The following STT3B variants were observed in gnomAD, a reference collection of about 807,000 sequenced individuals.
The protein encoded by STT3B is STT3 oligosaccharyltransferase complex catalytic subunit B, also known as dolichyl-diphosphooligosaccharide--protein glycosyltransferase subunit STT3B.
Under a neutral mutation model 96.8 loss-of-function variants are expected in STT3B, and 29 were observed. The observed-to-expected ratio is 0.30, with a 90% confidence interval of 0.22 to 0.41. STT3B has a LOEUF of 0.41. STT3B is among the 10% of genes least tolerant of loss of function. The probability of loss-of-function intolerance (pLI) is 1.00; values close to 1 mark genes in which losing one functional copy is unlikely to be tolerated. For synonymous variants in STT3B, 367 were observed against 360.0 expected, an observed-to-expected ratio of 1.02 and a Z score of -0.22; for missense variants, 640 against 1,022.3, an observed-to-expected ratio of 0.63 and a Z score of 5.10.
At chr3:31,597,044 C>T (rs1427473428) in intron 4 of STT3B, among the ~76,000 whole-genome samples, 181 bp downstream of exon 4, 1 of 152,188 alleles carries the variant, frequency 6.6e-6, no homozygotes, top group Admixed American at 6.5e-5. Flanking sequence ...AGAGGGCTAA[C>T]ATTTAACCCC....
intron 1 of STT3B, among the ~76,000 whole-genome samples, chr3:31,566,900 A>G (rs756913968): frequency 1.2e-4 from 18 of 152,352 alleles, no homozygotes; most frequent in Non-Finnish European, 2.1e-4. Context: ...AACCTGGTAC[A>G]CTATGGTTGC....
chr3:31,614,325 G>A (rs946463610), intron 5 of STT3B, among the ~76,000 whole-genome samples: 7 of 151,902 alleles, frequency 4.6e-5, no homozygotes, highest in African/African-American at 1.7e-4. Flanking sequence ...TTTAGTTTCA[G>A]TGACTTCAAA....
intron 1 of STT3B, among the ~76,000 whole-genome samples, chr3:31,555,651 G>A (rs1697687479): frequency 6.6e-6 from 1 of 151,864 alleles, no homozygotes; most frequent in South Asian, 2.1e-4. Flanking sequence ...TTGTTCTTTA[G>A]TCTTTTTACA....
At chr3:31,616,123 G>C (rs1354792608) in intron 6 of STT3B, among the ~76,000 whole-genome samples, 2 of 151,840 alleles carry the variant, frequency 1.3e-5, no homozygotes, top group East Asian at 1.9e-4. Flanking sequence ...TTTATGCTTA[G>C]GTTTGATGAA....
At chr3:31,590,544 TTCTAAGCATGGTGTTTAA>T (rs1698643255) in intron 3 of STT3B, among the ~76,000 whole-genome samples, 1 of 152,068 alleles carries the variant, frequency 6.6e-6, no homozygotes, top group Non-Finnish European at 1.5e-5. Context: ...CATGGGTTTT[TTCTAAGCATGGTGTTTAA>T]TTTCCAAATA....
chr3:31,635,505 G>C (rs963195894), intron 15 of STT3B, among the ~76,000 whole-genome samples: 6 of 152,148 alleles, frequency 3.9e-5, no homozygotes, highest in African/African-American at 1.4e-4. Context: ...TGTGCCAAGT[G>C]ATTATATCTC....
intron 4 of STT3B, among the ~76,000 whole-genome samples, chr3:31,600,032 A>G (rs962035154): frequency 1.3e-5 from 2 of 152,132 alleles, no homozygotes; most frequent in African/African-American, 4.8e-5. Flanking sequence ...TATGATCTAT[A>G]TCCTAAAACT....
chr3:31,583,301 A>C (rs1331139731), intron 3 of STT3B, among the ~76,000 whole-genome samples: 1 of 150,758 alleles, frequency 6.6e-6, no homozygotes, highest in African/African-American at 2.4e-5. Context: ...CTCTTTTGTA[A>C]CCTTTTTTTT....
intron 5 of STT3B, among the ~76,000 whole-genome samples, chr3:31,609,854 C>T (rs1288534347): frequency 1.3e-5 from 2 of 152,148 alleles, no homozygotes; most frequent in Non-Finnish European, 2.9e-5. Context: ...TGAACCACCA[C>T]ACCCGGCCAC....
chr3:31,546,674 C>G (rs1286070285), intron 1 of STT3B, among the ~76,000 whole-genome samples: 1 of 152,280 alleles, frequency 6.6e-6, no homozygotes, highest in East Asian at 1.9e-4. Flanking sequence ...TTTTATCTCC[C>G]GTAAAATATC....
At position 31,561,255 on chromosome 3, in the gene STT3B, C is replaced by CT. The variant is rs573175852; in HGVS notation, c.315-15132dup. On this transcript the variant is annotated intron_variant, in intron 1 of 15. Coordinates refer to ENST00000295770, the MANE Select transcript of STT3B (RefSeq NM_178862.3). ...TCTTTTTCTGGGATTTTGTGAATTTCTTTTTTTTTCAAAATTTTTTATTTT... is the reference window on the plus strand; with the variant it reads ...TCTTTTTCTGGGATTTTGTGAATTTCTTTTTTTTTTCAAAATTTTTTATTTT... 3.3e-4 allele frequency among the ~76,000 whole-genome samples: 48 copies of CT among 145,506 alleles called. 2 individuals carry two copies. The highest frequency in any genetic ancestry group is 5.8e-4 in the African/African-American group (23 of 39,384).
chr3:31,635,686 G>A (rs566757674), intron 15 of STT3B, among the ~76,000 whole-genome samples: 1 of 152,290 alleles, frequency 6.6e-6, no homozygotes, highest in South Asian at 2.1e-4. Flanking sequence ...TGTCTTGCCT[G>A]GAAATTTTAA....
At chr3:31,550,781 C>G (rs1051684359) in intron 1 of STT3B, among the ~76,000 whole-genome samples, 2 of 151,702 alleles carry the variant, frequency 1.3e-5, no homozygotes, top group African/African-American at 4.8e-5. Flanking sequence ...CTGTTTTTTT[C>G]GTTCTATTGA....
chr3:31,574,078 A>C (rs1698214108), intron 1 of STT3B, among the ~76,000 whole-genome samples: 1 of 152,168 alleles, frequency 6.6e-6, no homozygotes, highest in Non-Finnish European at 1.5e-5. Flanking sequence ...AAAATGTGTT[A>C]TTAGCAGTCC....
At chr3:31,625,280 T>G (rs1335843045) in intron 12 of STT3B, among the ~76,000 whole-genome samples, 195 bp downstream of exon 12, 1 of 152,222 alleles carries the variant, frequency 6.6e-6, no homozygotes, top group African/African-American at 2.4e-5. Flanking sequence ...CTAAGTATCA[T>G]TCAGAATTGC....
intron 1 of STT3B, among the ~76,000 whole-genome samples, chr3:31,566,636 G>A (rs1698014241): frequency 6.6e-6 from 1 of 151,964 alleles, no homozygotes; most frequent in African/African-American, 2.4e-5. Context: ...TGAATTGCTG[G>A]TTACCCCCAT....
At chr3:31,579,653 G>GT (rs915485220) in intron 2 of STT3B, among the ~76,000 whole-genome samples, 156 bp from the exon 3 acceptor site, 28 of 150,566 alleles carry the variant, frequency 1.9e-4, no homozygotes, top group Middle Eastern at 6.8e-3. Context: ...AAAGGTGTGG[G>GT]TTTTTTTTTG....
At chr3:31,586,065 C>T (rs74474319) in intron 3 of STT3B, among the ~76,000 whole-genome samples, 1 of 152,152 alleles carries the variant, frequency 6.6e-6, no homozygotes, top group African/African-American at 2.4e-5. Flanking sequence ...ATTTTGCATT[C>T]CCTCCACAAA....
chr3:31,596,184 G>C (rs373696643), intron 3 of STT3B, among the ~76,000 whole-genome samples: 60 of 152,274 alleles, frequency 3.9e-4, no homozygotes, highest in African/African-American at 1.4e-3. Context: ...GTAGTTAGTG[G>C]TTGTAAAATA....
Sources: gnomAD v4.1 joint callset for allele counts (sites outside exome capture counted in the v4.1 genomes callset) on GRCh38, gnomAD v4.1.1 for gene constraint, MANE v1.5 for transcripts, NCBI Gene and HGNC (gene_info 2026-07-23, HGNC 2026-07-21) for gene names.